Variants in SDK1 observed in about 807,000 individuals in gnomAD.
The protein encoded by SDK1 is sidekick cell adhesion molecule 1.
SDK1 carries 157 observed loss-of-function variants against 245.5 expected under a neutral mutation model. The ratio of observed to expected loss-of-function variants is 0.64; its 90% CI spans 0.56 to 0.73. The LOEUF (loss-of-function observed/expected upper bound fraction) is 0.73. Ranked by LOEUF, SDK1 falls within the 30% of genes least tolerant of loss-of-function variation. The pLI, the probability that SDK1 is intolerant of heterozygous loss-of-function variation, is 0.00. For synonymous variants in SDK1, 1,647 were observed against 1,278.5 expected (o/e 1.29, Z -6.15); for missense variants, 3,583 against 3,002.3 (o/e 1.19, Z -4.52).
At chr7:3,595,588 G>T (rs977550418) in intron 1 of SDK1, among the ~76,000 whole-genome samples, 1 of 151,774 alleles carries the variant, frequency 6.6e-6, no homozygotes, top group African/African-American at 2.4e-5. Context: ...TTTACATTCT[G>T]AATCTTAGGG....
intron 40 of SDK1, chr7:4,227,232 A>T (rs1011289320): frequency 5.4e-5 from 19 of 350,640 alleles, no homozygotes; most frequent in Non-Finnish European, 1.0e-4. Flanking sequence ...CATGGCTCTG[A>T]TGGTGCCCGG....
At chr7:3,528,058 G>A (rs1275347625) in intron 1 of SDK1, among the ~76,000 whole-genome samples, 1 of 150,622 alleles carries the variant, frequency 6.6e-6, no homozygotes, top group Non-Finnish European at 1.5e-5. Context: ...TTGAGTGGTG[G>A]GAGGTGAGGT....
chr7:3,437,780 G>T lies in SDK1; in HGVS notation c.298+135896G>T, dbSNP rs184543626. Reference sequence around the variant, plus strand: ...AAAATTAATAATACTAAAAAAATTAGATATGATTAAGGATACCAAAAAATT... The same window carrying T: ...AAAATTAATAATACTAAAAAAATTATATATGATTAAGGATACCAAAAAATT... On this transcript the variant is annotated intron_variant, in intron 1 of 44. Coordinates refer to ENST00000404826, the MANE Select transcript of SDK1 (RefSeq NM_152744.4). Among the ~76,000 whole-genome samples, 2 of 152,232 alleles carry T rather than the reference G, an allele frequency of 1.3e-5. 1 individual carries two copies. The highest frequency in any genetic ancestry group is 2.9e-5 in the Non-Finnish European group (2 of 68,002).
In SDK1 at chr7:3,563,755, A is replaced by T. The variant is rs138206105; in HGVS notation, c.299-55325A>T. 8.4e-3 allele frequency among the ~76,000 whole-genome samples: 1,274 copies of T among 152,316 alleles called. 12 individuals carry two copies. Among genetic ancestry groups the T allele is most frequent in the African/African-American group, 0.022 (900 of 41,584 alleles). Reference sequence around the variant, plus strand: ...ATACTTGAGACAATGTGTATTTTTTAAGCTCGTTTGGAGTGATTATAAAAA... The same window carrying T: ...ATACTTGAGACAATGTGTATTTTTTTAGCTCGTTTGGAGTGATTATAAAAA... On this transcript the variant is annotated intron_variant, in intron 1 of 44. Transcript: ENST00000404826.
chr7:3,431,358 G>GTTTTT (rs34510123), intron 1 of SDK1, among the ~76,000 whole-genome samples: 19 of 118,344 alleles, frequency 1.6e-4, no homozygotes, highest in South Asian at 2.9e-4. Context: ...AATGTGGGAG[G>GTTTTT]TTTTTTTTTT....
chr7:3,985,760 C>T (rs933317359), intron 13 of SDK1, among the ~76,000 whole-genome samples: 1 of 152,180 alleles, frequency 6.6e-6, no homozygotes, highest in Non-Finnish European at 1.5e-5. Flanking sequence ...TTGCAGTCTA[C>T]ATTAGAAATA....
chr7:3,936,856 G>T (rs1030170241), intron 5 of SDK1, among the ~76,000 whole-genome samples: 2 of 152,186 alleles, frequency 1.3e-5, no homozygotes, highest in Non-Finnish European at 2.9e-5. Context: ...CAGCAGTAGG[G>T]GTGGGGACGA....
At chr7:4,263,461 CTT>C (rs987440413) in intron 44 of SDK1, among the ~76,000 whole-genome samples, 2 of 148,944 alleles carry the variant, frequency 1.3e-5, no homozygotes, top group African/African-American at 5.0e-5. Context: ...GTAGACCTCT[CTT>C]GAGTGAGGGA....
chr7:3,697,599 G>A (rs896940499), intron 4 of SDK1, among the ~76,000 whole-genome samples: 9 of 151,986 alleles, frequency 5.9e-5, no homozygotes, highest in African/African-American at 1.7e-4. Context: ...ATGATTCTTT[G>A]ACCATCTTCA....
At chr7:3,450,092 G>A (rs1351404973) in intron 1 of SDK1, among the ~76,000 whole-genome samples, 1 of 152,212 alleles carries the variant, frequency 6.6e-6, no homozygotes, top group Non-Finnish European at 1.5e-5. Context: ...TCAACTAGGG[G>A]TGAATAGTAA....
intron 4 of SDK1, among the ~76,000 whole-genome samples, chr7:3,671,037 A>C (rs796767912): frequency 6.6e-6 from 1 of 152,122 alleles, no homozygotes; most frequent in Non-Finnish European, 1.5e-5. Context: ...TAGTTCCTTG[A>C]GGTTTGTTTC....
At chr7:4,236,070 C>A (rs1444464474) in intron 41 of SDK1, among the ~76,000 whole-genome samples, 3 of 152,360 alleles carry the variant, frequency 2.0e-5, no homozygotes, top group East Asian at 3.9e-4. Context: ...GCCCTGTGAA[C>A]CTGCATTAGC....
chr7:4,265,251 ACGAGGCGGTGGCGGGCTC>A lies in SDK1; in HGVS notation c.6518_6535del (p.Val2173_Ala2178del). 1 of 1,604,364 alleles carries A rather than the reference ACGAGGCGGTGGCGGGCTC, an allele frequency of 6.2e-7. No homozygotes were observed. The highest frequency in any genetic ancestry group is 1.1e-5 in the South Asian group (1 of 90,800). On this transcript the variant is annotated inframe_deletion, in exon 45 of 45. Coordinates refer to ENST00000404826, the MANE Select transcript of SDK1 (RefSeq NM_152744.4). Reference sequence around the variant, plus strand: ...GGCCGCGCACCTGCGCCGCACAGGTACGAGGCGGTGGCGGGCTCCGAGGCGGGCGCGCAGCTGCACCCG... The same window carrying A: ...GGCCGCGCACCTGCGCCGCACAGGTACGAGGCGGGCGCGCAGCTGCACCCG...
intron 1 of SDK1, among the ~76,000 whole-genome samples, chr7:3,416,629 G>T (rs773667285): frequency 2.0e-5 from 3 of 152,042 alleles, no homozygotes; most frequent in Admixed American, 6.6e-5. Flanking sequence ...GCCTTTGCCT[G>T]GACAGGTAAA....
chr7:3,721,640 G>C (rs1404005777), intron 4 of SDK1, among the ~76,000 whole-genome samples: 1 of 152,164 alleles, frequency 6.6e-6, no homozygotes, highest in East Asian at 1.9e-4. Context: ...TGGGTGTCTG[G>C]TGTTTCCAAA....
chr7:3,786,699 C>G (rs964279107), intron 4 of SDK1, among the ~76,000 whole-genome samples: 4 of 152,120 alleles, frequency 2.6e-5, no homozygotes, highest in African/African-American at 9.7e-5. Context: ...CTTTTTCTCG[C>G]TGATGAAATG....
intron 1 of SDK1, among the ~76,000 whole-genome samples, chr7:3,334,097 T>C (rs1342703038): frequency 6.6e-6 from 1 of 152,236 alleles, no homozygotes; most frequent in Non-Finnish European, 1.5e-5. Flanking sequence ...TTCATGTTTA[T>C]CATGATCTGA....
intron 1 of SDK1, among the ~76,000 whole-genome samples, chr7:3,501,523 C>A (rs1394134648): frequency 1.3e-5 from 2 of 152,038 alleles, no homozygotes; most frequent in Non-Finnish European, 2.9e-5. Context: ...GTTTTTATTT[C>A]GTGCTCCTGA....
In SDK1 at chr7:3,951,041, G is replaced by A. The variant is rs767809767; in HGVS notation, c.959+7G>A. The A allele has an allele frequency of 3.8e-6, 6 of 1,591,704 alleles. No individual in the cohort carries two copies. The highest frequency in any genetic ancestry group is 5.2e-6 in the Non-Finnish European group (6 of 1,159,620). On this transcript the variant is annotated splice_region_variant and intron_variant, in intron 6 of 44. Transcript: ENST00000404826. ...AATGTATAGCCAGTGCCAGGTACGA[G>A]GCGCGTCTCCTGTGAGACTCCTAGT...
Sources: gnomAD v4.1 joint callset for allele counts (sites outside exome capture counted in the v4.1 genomes callset) on GRCh38, gnomAD v4.1.1 for gene constraint, MANE v1.5 for transcripts, NCBI Gene and HGNC (gene_info 2026-07-23, HGNC 2026-07-21) for gene names.